Variants in AFG1L observed in about 807,000 individuals in gnomAD.
The protein encoded by AFG1L is AFG1 like ATPase.
AFG1L carries 53 observed loss-of-function variants against 62.2 expected under a neutral mutation model. The ratio of observed to expected loss-of-function variants is 0.85; its 90% CI spans 0.68 to 1.07. The LOEUF (loss-of-function observed/expected upper bound fraction) is 1.07, where lower values mean the gene tolerates loss of function less well. AFG1L is among the 50% of genes least tolerant of loss of function. The probability of loss-of-function intolerance (pLI) is 0.00; values close to 1 mark genes in which losing one functional copy is unlikely to be tolerated. For missense variants in AFG1L, 555 were observed against 590.5 expected, an observed-to-expected ratio of 0.94 and a Z score of 0.62; for synonymous variants, 228 against 210.3, an observed-to-expected ratio of 1.08 and a Z score of -0.73.
rs1274999032 is a variant in AFG1L at position 108,524,290 on chromosome 6, T to C, written c.*1865T>C. ...TCACATTCCTTTGGTAATTATTCTG[T>C]ATCTTAATTTTTAAAAAAATCATGT... On this transcript the variant is annotated 3_prime_UTR_variant, in exon 13 of 13. Transcript: ENST00000368977. 1 of 152,220 alleles carries C rather than the reference T, an allele frequency of 6.6e-6. No individual in the cohort carries two copies. The highest frequency in any genetic ancestry group is 2.4e-5 in the African/African-American group (1 of 41,452). 9.4% of individuals were successfully genotyped at this position (152,220 alleles called of 1,614,324 possible).
At chr6:108,412,327 T>A (rs1281248029) in intron 7 of AFG1L, among the ~76,000 whole-genome samples, 1 of 152,202 alleles carries the variant, frequency 6.6e-6, no homozygotes, top group East Asian at 1.9e-4. Flanking sequence ...TGGAACCAAG[T>A]TGGAAAATAC....
chr6:108,446,114 A>G (rs1395573244), intron 7 of AFG1L, among the ~76,000 whole-genome samples: 1 of 148,926 alleles, frequency 6.7e-6, no homozygotes, highest in Non-Finnish European at 1.5e-5. Flanking sequence ...CCCTACATAT[A>G]TTCCTCTCAT....
At chr6:108,346,862 T>G (rs111675485) in intron 2 of AFG1L, 126 bp from the exon 3 acceptor site, 1 of 686,884 alleles carries the variant, frequency 1.5e-6, no homozygotes, top group African/African-American at 1.8e-5. Flanking sequence ...TATCAAGTTT[T>G]TTTCTTACTT....
At chr6:108,470,341 T>A (rs1400796417) in intron 8 of AFG1L, among the ~76,000 whole-genome samples, 1 of 152,126 alleles carries the variant, frequency 6.6e-6, no homozygotes. Context: ...CATTTCCCCC[T>A]CCTTATAAAG....
chr6:108,324,001 G>A lies in AFG1L; in HGVS notation c.316G>A (p.Glu106Lys), dbSNP rs780355805. 6.8e-6 allele frequency: 11 copies of A among 1,614,128 alleles called. No individual in the cohort carries two copies. The highest frequency in any genetic ancestry group is 1.1e-5 in the South Asian group (1 of 91,070). ...RVIQCLQKLH[E>K]DLKGYNIEAE... The stretch of plus-strand genomic sequence containing the variant: ...CATACAGTGTTTGCAGAAATTACAC[G>A]AGGACCTTAAAGGATACAATATAGA... The change falls in exon 2 of 13, where the codon GAG (glutamate) becomes AAG (lysine). Residue 106 changes from glutamate (E) to lysine (K), a missense_variant. Glu to Lys is a moderately conservative substitution (Grantham distance 56, BLOSUM62 1). Coordinates refer to ENST00000368977, the MANE Select transcript of AFG1L (RefSeq NM_145315.5).
At chr6:108,330,654 A>G (rs1008938435) in intron 2 of AFG1L, among the ~76,000 whole-genome samples, 5 of 152,180 alleles carry the variant, frequency 3.3e-5, no homozygotes, top group African/African-American at 9.7e-5. Flanking sequence ...CCGAACAGCT[A>G]AGGAGAAGAC....
chr6:108,463,286 CAAAAAAAAAA>C (rs56937746), intron 8 of AFG1L, among the ~76,000 whole-genome samples: 13 of 40,518 alleles, frequency 3.2e-4, no homozygotes, highest in East Asian at 7.5e-4. Flanking sequence ...GAGACTCTGT[CAAAAAAAAAA>C]AAAAAAAAAA....
intron 3 of AFG1L, among the ~76,000 whole-genome samples, chr6:108,347,354 T>A (rs368555760): frequency 6.6e-6 from 1 of 152,256 alleles, no homozygotes; most frequent in Non-Finnish European, 1.5e-5. Flanking sequence ...CAGGATTCCA[T>A]GACTCATTAA....
intron 3 of AFG1L, among the ~76,000 whole-genome samples, chr6:108,349,642 AT>A (rs2114430671): frequency 6.6e-6 from 1 of 152,256 alleles, no homozygotes; most frequent in Admixed American, 6.5e-5. Context: ...AAGGCTGGGC[AT>A]GGTGGCTCAT....
chr6:108,383,849 C>T (rs1047998659), intron 6 of AFG1L, among the ~76,000 whole-genome samples: 11 of 151,630 alleles, frequency 7.3e-5, no homozygotes, highest in African/African-American at 2.7e-4. Context: ...TTTCTTAGAG[C>T]AAAAGCTAGA....
chr6:108,438,858 G>C (rs1434903833), intron 7 of AFG1L, among the ~76,000 whole-genome samples: 1 of 152,038 alleles, frequency 6.6e-6, no homozygotes, highest in African/African-American at 2.4e-5. Context: ...AGGGAAAGAG[G>C]AGTGGGGAGA....
chr6:108,506,256 G>A (rs1418907893), intron 10 of AFG1L, among the ~76,000 whole-genome samples: 1 of 152,132 alleles, frequency 6.6e-6, no homozygotes, highest in Non-Finnish European at 1.5e-5. Context: ...GACCAGGCTC[G>A]AGTGCAATGG....
intron 8 of AFG1L, among the ~76,000 whole-genome samples, chr6:108,471,919 C>T (rs181475193): frequency 8.5e-5 from 13 of 152,200 alleles, no homozygotes; most frequent in African/African-American, 3.1e-4. Flanking sequence ...ACTGGGAAAG[C>T]ATTATGTTAA....
chr6:108,383,785 A>G (rs975188271), intron 6 of AFG1L, among the ~76,000 whole-genome samples: 1 of 152,162 alleles, frequency 6.6e-6, no homozygotes, highest in African/African-American at 2.4e-5. Context: ...TTTTCAAATT[A>G]CTTGAAAATC....
intron 7 of AFG1L, among the ~76,000 whole-genome samples, chr6:108,402,654 T>C (rs578211024): frequency 5.3e-5 from 8 of 152,234 alleles, no homozygotes; most frequent in African/African-American, 1.9e-4. Context: ...TTGAATAGTT[T>C]GCATTTTATA....
chr6:108,328,089 TGAGTA>T (rs202029016), intron 2 of AFG1L, among the ~76,000 whole-genome samples: 4,105 of 152,236 alleles, frequency 0.027, 174 homozygotes, highest in African/African-American at 0.093. Flanking sequence ...AGTTTATAGT[TGAGTA>T]AAGAACCAAA....
At chr6:108,323,427 A>C (rs987418210) in intron 1 of AFG1L, among the ~76,000 whole-genome samples, 1 of 152,076 alleles carries the variant, frequency 6.6e-6, no homozygotes, top group Non-Finnish European at 1.5e-5. Context: ...ACAGTGGCAC[A>C]ATCTCTGCTC....
intron 2 of AFG1L, among the ~76,000 whole-genome samples, chr6:108,346,501 G>A (rs1778869761): frequency 6.6e-6 from 1 of 151,956 alleles, no homozygotes; most frequent in South Asian, 2.1e-4. Flanking sequence ...GAGTAACTGG[G>A]ACCACAGGCG....
intron 7 of AFG1L, among the ~76,000 whole-genome samples, chr6:108,439,381 A>G (rs959493384): frequency 6.6e-6 from 1 of 152,232 alleles, no homozygotes. Flanking sequence ...TTGTTAAACC[A>G]TAAGTGCACA....
Sources: allele counts gnomAD v4.1 joint callset (sites outside exome capture counted in the v4.1 genomes callset), GRCh38; gene constraint gnomAD v4.1.1; transcripts MANE v1.5; gene names NCBI Gene and HGNC (gene_info 2026-07-23, HGNC 2026-07-21).